KCNIP4: variants seen among roughly 807,000 people sequenced by gnomAD.
KCNIP4 encodes potassium voltage-gated channel interacting protein 4.
KCNIP4 carries 12 observed loss-of-function variants against 34.0 expected under a neutral mutation model. That is an observed-to-expected ratio of 0.35 (90% CI 0.23 to 0.57). The LOEUF is 0.57. Ranked by LOEUF, KCNIP4 falls within the 20% of genes least tolerant of loss-of-function variation. The pLI is 0.83. For synonymous variants in KCNIP4, 124 were observed against 102.2 expected (o/e 1.21, Z -1.29); for missense variants, 238 against 311.7 (o/e 0.76, Z 1.78).
intron 1 of KCNIP4, among the ~76,000 whole-genome samples, chr4:21,249,809 G>A (rs1760555022): frequency 1.3e-5 from 2 of 152,082 alleles, no homozygotes; most frequent in Admixed American, 1.3e-4. Flanking sequence ...ATGAATATGT[G>A]CCAGCAACTT....
intron 1 of KCNIP4, among the ~76,000 whole-genome samples, chr4:21,589,194 ATATATATG>A (rs1460684049): frequency 0.094 from 4,435 of 47,014 alleles, 391 homozygotes; most frequent in East Asian, 0.28. Flanking sequence ...ATATATATAT[ATATATATG>A]TGTACATATA....
chr4:21,755,862 A>G (rs149414506), intron 1 of KCNIP4, among the ~76,000 whole-genome samples: 2 of 152,318 alleles, frequency 1.3e-5, no homozygotes, highest in African/African-American at 4.8e-5. Flanking sequence ...CACAATTTCT[A>G]TAGTTGCTGA....
At chr4:21,819,465 GTTGT>G (rs1245530525) in intron 1 of KCNIP4, among the ~76,000 whole-genome samples, 3 of 152,088 alleles carry the variant, frequency 2.0e-5, no homozygotes, top group Non-Finnish European at 4.4e-5. Flanking sequence ...CCTGATATTT[GTTGT>G]TTATCTGTTT....
At chr4:21,507,658 C>T (rs868598879) in intron 1 of KCNIP4, among the ~76,000 whole-genome samples, 122 of 152,216 alleles carry the variant, frequency 8.0e-4, no homozygotes, top group African/African-American at 2.9e-3. Context: ...AGTACTGCTC[C>T]TTGACTAGAG....
At chr4:21,466,146 T>A (rs1471014394) in intron 1 of KCNIP4, among the ~76,000 whole-genome samples, 2 of 152,148 alleles carry the variant, frequency 1.3e-5, no homozygotes, top group Non-Finnish European at 2.9e-5. Context: ...CTGTCCTGCC[T>A]AGTTCTTTTG....
intron 1 of KCNIP4, among the ~76,000 whole-genome samples, chr4:21,171,894 G>A (rs1465503739): frequency 6.6e-6 from 1 of 152,184 alleles, no homozygotes; most frequent in Non-Finnish European, 1.5e-5. Flanking sequence ...CAGCTCTTGG[G>A]CAAGTGGGAA....
chr4:21,006,283 C>A (rs1315206833), intron 1 of KCNIP4, among the ~76,000 whole-genome samples: 1 of 152,152 alleles, frequency 6.6e-6, no homozygotes, highest in African/African-American at 2.4e-5. Context: ...TCCATAAATT[C>A]TACAAAGGAA....
chr4:21,287,898 T>C (rs1428169648), intron 1 of KCNIP4, among the ~76,000 whole-genome samples: 1 of 152,188 alleles, frequency 6.6e-6, no homozygotes, highest in African/African-American at 2.4e-5. Flanking sequence ...ACAAATACTA[T>C]AAAATCTGAT....
rs150294300 is a variant in KCNIP4 at position 21,006,747 on chromosome 4, C to T, written c.62-124038G>A. Among the ~76,000 whole-genome samples, 16 of 152,206 alleles carry T rather than the reference C, an allele frequency of 1.1e-4. No individual in the cohort carries two copies. In the East Asian group the frequency reaches 2.1e-3, roughly 20 times the overall value. On this transcript the variant is annotated intron_variant, in intron 1 of 8. Transcript: ENST00000382152. ...GGGGCAGGGAATGGGTAAGTGCATGCCGTGCCTGGGAGATGTGTCTGTGTC... is the reference window on the plus strand; with the variant it reads ...GGGGCAGGGAATGGGTAAGTGCATGTCGTGCCTGGGAGATGTGTCTGTGTC...
chr4:20,846,948 C>A (rs974074220), intron 3 of KCNIP4, among the ~76,000 whole-genome samples: 1 of 152,080 alleles, frequency 6.6e-6, no homozygotes, highest in African/African-American at 2.4e-5. Context: ...TGTAAAGCTC[C>A]CCAGATGGTT....
chr4:20,764,875 A>G (rs73802314), intron 3 of KCNIP4, among the ~76,000 whole-genome samples: 3,186 of 152,296 alleles, frequency 0.021, 127 homozygotes, highest in African/African-American at 0.072. Context: ...GCCGGACCAC[A>G]TCACCACAAT....
At chr4:21,413,752 T>C (rs1176239097) in intron 1 of KCNIP4, among the ~76,000 whole-genome samples, 3 of 152,194 alleles carry the variant, frequency 2.0e-5, no homozygotes, top group African/African-American at 7.2e-5. Flanking sequence ...TTACCCTGGT[T>C]CTTATTTCAG....
chr4:21,444,044 C>T (rs944661880), intron 1 of KCNIP4, among the ~76,000 whole-genome samples: 5 of 152,146 alleles, frequency 3.3e-5, no homozygotes, highest in South Asian at 2.1e-4. Context: ...ATAAATTCCT[C>T]GACACATACA....
intron 1 of KCNIP4, among the ~76,000 whole-genome samples, chr4:21,627,628 A>G (rs142658575): frequency 1.3e-5 from 2 of 152,328 alleles, no homozygotes; most frequent in Admixed American, 6.5e-5. Context: ...GAAAAAAATA[A>G]GATGATTCTC....
chr4:20,988,795 A>T (rs148853314), intron 1 of KCNIP4, among the ~76,000 whole-genome samples: 24 of 152,334 alleles, frequency 1.6e-4, no homozygotes, highest in South Asian at 8.3e-4. Flanking sequence ...GACTCAGGAA[A>T]AACTCTCTAC....
chr4:21,339,414 G>C (rs1231877980), intron 1 of KCNIP4, among the ~76,000 whole-genome samples: 2 of 152,166 alleles, frequency 1.3e-5, no homozygotes, highest in East Asian at 3.8e-4. Context: ...AGCTTACAAA[G>C]CAAAACAACT....
chr4:20,919,754 C>CG (rs748961852), intron 1 of KCNIP4, among the ~76,000 whole-genome samples: 18 of 148,006 alleles, frequency 1.2e-4, no homozygotes, highest in Admixed American at 3.4e-4. Flanking sequence ...TATTGTTTGG[C>CG]GGGGGGGAGT....
intron 2 of KCNIP4, among the ~76,000 whole-genome samples, chr4:20,863,840 C>T (rs186108045): frequency 1.3e-5 from 2 of 152,000 alleles, no homozygotes; most frequent in African/African-American, 4.8e-5. Context: ...ACATGCACCC[C>T]TGAACTTAGA....
At chr4:21,927,517 G>GA (rs1350463525) in intron 1 of KCNIP4, among the ~76,000 whole-genome samples, 1 of 152,128 alleles carries the variant, frequency 6.6e-6, no homozygotes, top group East Asian at 1.9e-4. Flanking sequence ...CTAGAAATTA[G>GA]AGCGCAAAAG....
Sources: allele counts gnomAD v4.1 joint callset (sites outside exome capture counted in the v4.1 genomes callset), GRCh38; gene constraint gnomAD v4.1.1; transcripts MANE v1.5; gene names NCBI Gene and HGNC (gene_info 2026-07-23, HGNC 2026-07-21).